KIF15: variants seen among roughly 807,000 people sequenced by gnomAD.
The protein encoded by KIF15 is kinesin family member 15.
KIF15 carries 140 observed loss-of-function variants against 190.6 expected under a neutral mutation model. That is an observed-to-expected ratio of 0.73 (90% CI 0.64 to 0.84). The LOEUF (loss-of-function observed/expected upper bound fraction) is 0.84, where lower values mean the gene tolerates loss of function less well. Ranked by LOEUF, KIF15 falls within the 40% of genes least tolerant of loss-of-function variation. The pLI is 0.00. For missense variants in KIF15, 1,372 were observed against 1,584.4 expected, an observed-to-expected ratio of 0.87 and a Z score of 2.28; for synonymous variants, 528 against 551.3, an observed-to-expected ratio of 0.96 and a Z score of 0.59.
At chr3:44,823,015 G>A (rs549312877) in intron 20 of KIF15, among the ~76,000 whole-genome samples, 38 of 152,112 alleles carry the variant, frequency 2.5e-4, no homozygotes, top group Non-Finnish European at 5.1e-4. Context: ...CTGTCAACTC[G>A]TCAAAGTTAT....
At chr3:44,768,033 T>C (rs549574414) in intron 1 of KIF15, among the ~76,000 whole-genome samples, 8 of 152,072 alleles carry the variant, frequency 5.3e-5, no homozygotes, top group African/African-American at 1.9e-4. Context: ...CCCAGCACTT[T>C]GGGAGGCCAA....
intron 11 of KIF15, 94 bp downstream of exon 11, chr3:44,800,531 C>G: frequency 7.2e-7 from 1 of 1,379,466 alleles, no homozygotes; most frequent in African/African-American, 1.5e-5. Context: ...TAAGGCAACC[C>G]AAATTTTTCT....
chr3:44,840,486 G>A, intron 28 of KIF15, 30 bp downstream of exon 28: 1 of 1,443,736 alleles, frequency 6.9e-7, no homozygotes, highest in East Asian at 2.3e-5. Context: ...TATTTCAGGA[G>A]GAAGAAACAG....
At chr3:44,793,269 C>T (rs1706807354) in intron 7 of KIF15, among the ~76,000 whole-genome samples, 1 of 152,104 alleles carries the variant, frequency 6.6e-6, no homozygotes. Context: ...GATTCCAGAG[C>T]CTGCATTCTG....
At chr3:44,851,714 CAT>C in intron 32 of KIF15, 71 bp from the exon 33 acceptor site, 2 of 1,269,956 alleles carry the variant, frequency 1.6e-6, no homozygotes, top group Non-Finnish European at 2.2e-6. Flanking sequence ...TTGCAGTACA[CAT>C]GTCTAACTTG....
At chr3:44,820,842 G>GTT (rs1258406878) in intron 20 of KIF15, among the ~76,000 whole-genome samples, 1 of 152,182 alleles carries the variant, frequency 6.6e-6, no homozygotes, top group Non-Finnish European at 1.5e-5. Context: ...TGTCATCATG[G>GTT]CCCGTTCTCA....
At chr3:44,770,201 GTT>G (rs1705582696) in intron 1 of KIF15, among the ~76,000 whole-genome samples, 1 of 152,156 alleles carries the variant, frequency 6.6e-6, no homozygotes, top group Non-Finnish European at 1.5e-5. Flanking sequence ...CCAGTCCTCA[GTT>G]TTCTTAAAAA....
At chr3:44,763,087 G>C (rs1705219357) in intron 1 of KIF15, among the ~76,000 whole-genome samples, 1 of 152,146 alleles carries the variant, frequency 6.6e-6, no homozygotes, top group South Asian at 2.1e-4. Flanking sequence ...TAAAGTGGTG[G>C]GAGCACTCTC....
intron 7 of KIF15, among the ~76,000 whole-genome samples, chr3:44,787,852 AT>A (rs899941159): frequency 1.3e-5 from 2 of 151,294 alleles, no homozygotes; most frequent in African/African-American, 4.9e-5. Context: ...ATTTTTATTT[AT>A]TTTTTTATTT....
chr3:44,836,860 C>G (rs569068097), intron 26 of KIF15, among the ~76,000 whole-genome samples: 1 of 152,096 alleles, frequency 6.6e-6, no homozygotes, highest in East Asian at 1.9e-4. Flanking sequence ...AGAAAGGTAA[C>G]CATGTGTGGA....
chr3:44,807,696 G>A (rs1316215194), intron 16 of KIF15, among the ~76,000 whole-genome samples: 1 of 120,378 alleles, frequency 8.3e-6, no homozygotes, highest in Admixed American at 8.4e-5. Context: ...CAGCTTGAGG[G>A]TGTGTGTGTG....
intron 26 of KIF15, among the ~76,000 whole-genome samples, chr3:44,834,688 G>GT (rs1157526263): frequency 6.6e-6 from 1 of 151,922 alleles, no homozygotes; most frequent in Non-Finnish European, 1.5e-5. Flanking sequence ...TTTTTGGGAG[G>GT]CTGAGGTAGG....
At chr3:44,854,372 GAA>G (rs5848712), downstream of KIF15, among the ~76,000 whole-genome samples, 824 of 102,936 alleles carry the variant, frequency 8.0e-3, 7 homozygotes, top group African/African-American at 0.025. Flanking sequence ...GCAACAGAGT[GAA>G]AAAAAAAAAA....
At chr3:44,866,080 G>GGT (rs1699319245) in intron 6 of KIF15, among the ~76,000 whole-genome samples, 1 of 140,924 alleles carries the variant, frequency 7.1e-6, no homozygotes, top group Non-Finnish European at 1.5e-5. Flanking sequence ...GTTTTTTTGG[G>GGT]TTTTTTTTTT....
chr3:44,798,579 T>C (rs529520081), intron 10 of KIF15, among the ~76,000 whole-genome samples: 18 of 151,976 alleles, frequency 1.2e-4, no homozygotes, highest in South Asian at 1.0e-3. Context: ...AATTTTTTTA[T>C]TTTTTGTACA....
chr3:44,863,892 A>C, intron 6 of KIF15: 1 of 365,496 alleles, frequency 2.7e-6, no homozygotes, highest in Non-Finnish European at 5.1e-6. Context: ...TGGGACCAAT[A>C]AGGGGCCGGT....
intron 26 of KIF15, among the ~76,000 whole-genome samples, chr3:44,833,124 T>C (rs1409522886): frequency 6.6e-6 from 1 of 152,104 alleles, no homozygotes; most frequent in Non-Finnish European, 1.5e-5. Context: ...GTTGGAATTC[T>C]AGCTGTGTGA....
chr3:44,792,156 G>A (rs1011423877), intron 7 of KIF15, among the ~76,000 whole-genome samples: 3 of 152,028 alleles, frequency 2.0e-5, no homozygotes, highest in African/African-American at 7.2e-5. Flanking sequence ...TAAAAAGAAA[G>A]CATAAAGTAC....
At chr3:44,842,341 A>T (rs561969901) in intron 29 of KIF15, among the ~76,000 whole-genome samples, 8 of 152,270 alleles carry the variant, frequency 5.3e-5, no homozygotes, top group African/African-American at 1.9e-4. Flanking sequence ...GGTGGGGCAC[A>T]TGGAAGAGTG....
Sources: allele counts gnomAD v4.1 joint callset (sites outside exome capture counted in the v4.1 genomes callset), GRCh38; gene constraint gnomAD v4.1.1; transcripts MANE v1.5; gene names NCBI Gene and HGNC (gene_info 2026-07-23, HGNC 2026-07-21).